The following TBXAS1 variants were observed in gnomAD, a reference collection of about 807,000 sequenced individuals.
TBXAS1 encodes thromboxane A synthase 1.
Under a neutral mutation model 60.7 loss-of-function variants are expected in TBXAS1, and 48 were observed. The observed-to-expected ratio is 0.79, with a 90% CI of 0.63 to 1.01. TBXAS1 has a LOEUF of 1.01. TBXAS1 is among the 50% of genes least tolerant of loss of function. The pLI is 0.00. For synonymous variants in TBXAS1, 287 were observed against 269.7 expected (o/e 1.06, Z -0.63); for missense variants, 685 against 686.3 (o/e 1.00, Z 0.02).
intron 1 of TBXAS1, among the ~76,000 whole-genome samples, chr7:139,847,048 C>T (rs1799866929): frequency 6.6e-6 from 1 of 152,078 alleles, no homozygotes; most frequent in South Asian, 2.1e-4. Context: ...GAGCAATAAA[C>T]CTTACACCAA....
intron 4 of TBXAS1, among the ~76,000 whole-genome samples, chr7:139,806,781 C>T (rs10277664): frequency 0.36 from 55,283 of 151,880 alleles, 11,027 homozygotes; most frequent in South Asian, 0.67. Flanking sequence ...CACCTTGATT[C>T]CCCCTTGGCT....
At chr7:139,845,355 G>A (rs1433899713) in intron 1 of TBXAS1, among the ~76,000 whole-genome samples, 19 of 152,088 alleles carry the variant, frequency 1.2e-4, no homozygotes, top group Admixed American at 1.2e-3. Context: ...CTCACCTGGT[G>A]CCTGGCTCCC....
At chr7:139,992,663 C>T (rs760303062) in intron 9 of TBXAS1, among the ~76,000 whole-genome samples, 3 of 152,242 alleles carry the variant, frequency 2.0e-5, no homozygotes, top group Non-Finnish European at 4.4e-5. Flanking sequence ...CCTCTGCAAG[C>T]TCCCCAAGCC....
chr7:139,837,916 G>C (rs1799174483), intron 1 of TBXAS1, among the ~76,000 whole-genome samples: 1 of 152,206 alleles, frequency 6.6e-6, no homozygotes, highest in African/African-American at 2.4e-5. Context: ...TGAGGGCCAG[G>C]TCTCCTATCT....
intron 1 of TBXAS1, among the ~76,000 whole-genome samples, chr7:139,868,900 G>C (rs906589998): frequency 6.6e-6 from 1 of 151,810 alleles, no homozygotes; most frequent in Non-Finnish European, 1.5e-5. Context: ...TGATCTGCCT[G>C]CCTTGGCTCC....
chr7:139,837,306 A>G (rs1799132596), intron 1 of TBXAS1, among the ~76,000 whole-genome samples: 1 of 152,260 alleles, frequency 6.6e-6, no homozygotes, highest in Non-Finnish European at 1.5e-5. Flanking sequence ...CAATTCCGCT[A>G]CTGGGTATCT....
chr7:140,011,521 G>C (rs1316979803), intron 10 of TBXAS1, among the ~76,000 whole-genome samples: 1 of 152,136 alleles, frequency 6.6e-6, no homozygotes, highest in Non-Finnish European at 1.5e-5. Context: ...TGAACAATCT[G>C]ATCAAATATT....
At chr7:139,907,294 T>C (rs540118981) in intron 3 of TBXAS1, among the ~76,000 whole-genome samples, 60 of 152,348 alleles carry the variant, frequency 3.9e-4, no homozygotes, top group African/African-American at 1.3e-3. Context: ...ACATAATTTT[T>C]TATTTTTCAG....
intron 9 of TBXAS1, among the ~76,000 whole-genome samples, chr7:139,988,222 A>G (rs1046122006): frequency 3.3e-5 from 5 of 152,246 alleles, no homozygotes; most frequent in African/African-American, 1.2e-4. Flanking sequence ...TCTAGGTACC[A>G]GCTTTTCTTG....
chr7:139,974,848 GAT>G (rs1223645858), intron 9 of TBXAS1, among the ~76,000 whole-genome samples: 1 of 152,212 alleles, frequency 6.6e-6, no homozygotes, highest in Non-Finnish European at 1.5e-5. Flanking sequence ...AAGTTAACTT[GAT>G]ACTCACAATG....
intron 9 of TBXAS1, among the ~76,000 whole-genome samples, chr7:139,963,722 A>G (rs1810548369): frequency 6.6e-6 from 1 of 152,216 alleles, no homozygotes. Context: ...ACCCCAACCC[A>G]ACTGATTTAA....
intron 3 of TBXAS1, among the ~76,000 whole-genome samples, chr7:139,901,339 A>AG (rs1554486224): frequency 9.3e-4 from 141 of 152,188 alleles, no homozygotes; most frequent in Non-Finnish European, 1.7e-3. Flanking sequence ...AAAAAAAAAA[A>AG]AAGAAGCAGG....
At chr7:139,807,339 C>T (rs2116383780) in intron 4 of TBXAS1, among the ~76,000 whole-genome samples, 1 of 152,194 alleles carries the variant, frequency 6.6e-6, no homozygotes, top group African/African-American at 2.4e-5. Context: ...CCTCCAGCCT[C>T]AGCCTCCTGA....
intron 7 of TBXAS1, among the ~76,000 whole-genome samples, chr7:139,956,746 G>C (rs1409790222): frequency 6.6e-6 from 1 of 152,272 alleles, no homozygotes. Flanking sequence ...AGGCAGCGCA[G>C]GCTGTGTCTG....
At chr7:139,987,047 G>A (rs1812543462) in intron 9 of TBXAS1, among the ~76,000 whole-genome samples, 1 of 152,010 alleles carries the variant, frequency 6.6e-6, no homozygotes, top group African/African-American at 2.4e-5. Context: ...AGTGCCCTGA[G>A]AGCTTAGCAG....
intron 4 of TBXAS1, among the ~76,000 whole-genome samples, chr7:139,793,188 G>A (rs1462401597): frequency 3.9e-5 from 6 of 152,106 alleles, no homozygotes; most frequent in Non-Finnish European, 5.9e-5. Context: ...AGGCTGTGGC[G>A]GGCAGAGCAC....
At chr7:139,818,920 C>T (rs1489412001) in intron 4 of TBXAS1, among the ~76,000 whole-genome samples, 4 of 152,188 alleles carry the variant, frequency 2.6e-5, no homozygotes, top group Non-Finnish European at 5.9e-5. Flanking sequence ...CAGATGCCAT[C>T]ATACCAGCAT....
intron 3 of TBXAS1, among the ~76,000 whole-genome samples, chr7:139,905,607 G>T (rs184525272): frequency 1.3e-5 from 2 of 152,140 alleles, no homozygotes; most frequent in African/African-American, 2.4e-5. Context: ...CCTGGTTTTG[G>T]TTTTAGGGTG....
chr7:139,879,805 C>T (rs1207825842), intron 3 of TBXAS1, among the ~76,000 whole-genome samples: 1 of 151,142 alleles, frequency 6.6e-6, no homozygotes, highest in African/African-American at 2.4e-5. Context: ...GGCCGCCATT[C>T]AAAGCTCCTT....
Sources: gnomAD v4.1 joint callset for allele counts (sites outside exome capture counted in the v4.1 genomes callset) on GRCh38, gnomAD v4.1.1 for gene constraint, MANE v1.5 for transcripts, NCBI Gene and HGNC (gene_info 2026-07-23, HGNC 2026-07-21) for gene names.